DENND6A: variants seen among roughly 807,000 people sequenced by gnomAD.
DENND6A encodes the protein DENN domain containing 6A, also known as protein DENND6A.
DENND6A carries 43 observed loss-of-function variants against 95.5 expected under a neutral mutation model. That is an observed-to-expected ratio of 0.45 (90% CI 0.35 to 0.58). The LOEUF is 0.58. Ranked by LOEUF, DENND6A falls within the 20% of genes least tolerant of loss-of-function variation. DENND6A has a pLI of 0.00. For missense variants in DENND6A, 574 were observed against 736.0 expected (o/e 0.78, Z 2.55); for synonymous variants, 257 against 260.4 (o/e 0.99, Z 0.13).
intron 1 of DENND6A, 78 bp downstream of exon 1, chr3:57,692,704 G>A: frequency 1.5e-6 from 2 of 1,313,146 alleles, no homozygotes; most frequent in Non-Finnish European, 2.0e-6. Flanking sequence ...TGGCCGGTCA[G>A]CCCGCGGGCC....
intron 1 of DENND6A, among the ~76,000 whole-genome samples, chr3:57,692,022 GGAGTTCGA>G (rs1327431189): frequency 6.6e-6 from 1 of 151,932 alleles, no homozygotes; most frequent in African/African-American, 2.4e-5. Context: ...ACCTGAGTCG[GGAGTTCGA>G]GACCAGCCTT....
intron 11 of DENND6A, among the ~76,000 whole-genome samples, chr3:57,645,248 G>C (rs910263554): frequency 1.3e-5 from 2 of 151,972 alleles, no homozygotes; most frequent in Non-Finnish European, 2.9e-5. Flanking sequence ...AGATCACAAA[G>C]TCAGGAATTC....
chr3:57,683,074 T>C (rs904606699), intron 1 of DENND6A, among the ~76,000 whole-genome samples: 1 of 152,250 alleles, frequency 6.6e-6, no homozygotes, highest in African/African-American at 2.4e-5. Flanking sequence ...CCTTTGTGCA[T>C]GTTAGGTACT....
At chr3:57,635,230 T>C (rs1386052736) in intron 12 of DENND6A, among the ~76,000 whole-genome samples, 1 of 152,158 alleles carries the variant, frequency 6.6e-6, no homozygotes, top group African/African-American at 2.4e-5. Context: ...TGTTTTGTTT[T>C]TGATGCCTCC....
chr3:57,685,674 T>G (rs914464775), intron 1 of DENND6A, among the ~76,000 whole-genome samples: 23 of 152,216 alleles, frequency 1.5e-4, no homozygotes, highest in African/African-American at 5.5e-4. Flanking sequence ...CAAATATCTT[T>G]AATGTCTGAT....
At chr3:57,690,559 C>A (rs1241444239) in intron 1 of DENND6A, among the ~76,000 whole-genome samples, 1 of 151,880 alleles carries the variant, frequency 6.6e-6, no homozygotes, top group African/African-American at 2.4e-5. Flanking sequence ...TGACATGCAC[C>A]TGTAGTCCCA....
rs768275430 is a variant in DENND6A at position 57,692,925 on chromosome 3, G to A, written c.94C>T (p.Leu32Phe). 6.4e-7 allele frequency: 1 copy of A among 1,566,466 alleles called. No individual in the cohort carries two copies. Among genetic ancestry groups the A allele is most frequent in the Non-Finnish European group, 8.6e-7 (1 of 1,162,290 alleles). Residue 32 changes from leucine (L) to phenylalanine (F), a missense_variant, in exon 1 of 20, where the codon CTT becomes TTT. By Grantham distance (22) the Leu-to-Phe change is conservative. Coordinates refer to ENST00000311128, the MANE Select transcript of DENND6A (RefSeq NM_152678.3). ...AGAEGREAPA[L>F]VAAGGAPEDD... is the part of the protein sequence containing the mutation. ...TCTGGCGCGCCTCCCGCCGCCACAA[G>A]GGCCGGCGCCTCGCGGCCCTCGGCC... is the stretch of plus-strand genomic sequence containing the variant.
chr3:57,673,309 G>C (rs893962713), intron 1 of DENND6A, among the ~76,000 whole-genome samples: 6 of 149,510 alleles, frequency 4.0e-5, no homozygotes, highest in African/African-American at 1.5e-4. Context: ...AGTGAAATAA[G>C]CCAGGCACAG....
chr3:57,659,496 C>T (rs187135869), intron 7 of DENND6A, among the ~76,000 whole-genome samples: 13 of 152,302 alleles, frequency 8.5e-5, no homozygotes, highest in Admixed American at 7.8e-4. Flanking sequence ...AATATACACA[C>T]ACCCAAACAC....
intron 9 of DENND6A, among the ~76,000 whole-genome samples, chr3:57,651,034 T>C (rs560705892): frequency 1.3e-5 from 2 of 152,228 alleles, no homozygotes; most frequent in African/African-American, 4.8e-5. Flanking sequence ...TCTGACCACC[T>C]TGGCCTCCCA....
intron 9 of DENND6A, among the ~76,000 whole-genome samples, chr3:57,647,493 T>C (rs1429901828): frequency 2.0e-5 from 3 of 152,184 alleles, no homozygotes; most frequent in Admixed American, 2.0e-4. Context: ...ACTGTGGAAC[T>C]GCTGGAGCCC....
intron 9 of DENND6A, among the ~76,000 whole-genome samples, chr3:57,648,775 C>T (rs534598294): frequency 1.3e-5 from 2 of 152,012 alleles, no homozygotes; most frequent in Non-Finnish European, 2.9e-5. Context: ...GAAAAGACAC[C>T]CTATTTAACA....
intron 12 of DENND6A, among the ~76,000 whole-genome samples, chr3:57,641,423 T>TAGAA (rs1481256496): frequency 6.8e-6 from 1 of 147,924 alleles, no homozygotes; most frequent in Non-Finnish European, 1.5e-5. Context: ...TATATTATTA[T>TAGAA]TCTATAATAA....
At chr3:57,689,789 A>G (rs2077243979) in intron 1 of DENND6A, among the ~76,000 whole-genome samples, 1 of 152,188 alleles carries the variant, frequency 6.6e-6, no homozygotes, top group Admixed American at 6.5e-5. Flanking sequence ...AGGGCTGGGC[A>G]TGGTGGCTCA....
intron 12 of DENND6A, among the ~76,000 whole-genome samples, 190 bp from the exon 13 acceptor site, chr3:57,634,959 A>G (rs1409753131): frequency 2.0e-5 from 3 of 152,214 alleles, no homozygotes; most frequent in African/African-American, 7.2e-5. Flanking sequence ...CTGGATTACT[A>G]CAACAGTACA....
At chr3:57,660,968 A>C in intron 6 of DENND6A, 129 bp from the exon 7 acceptor site, 1 of 766,602 alleles carries the variant, frequency 1.3e-6, no homozygotes. Context: ...TGAGAGATAA[A>C]AGGCAAAAGA....
chr3:57,679,238 C>T (rs2077137754), intron 1 of DENND6A, among the ~76,000 whole-genome samples: 1 of 152,216 alleles, frequency 6.6e-6, no homozygotes, highest in South Asian at 2.1e-4. Context: ...GGTATGGTTA[C>T]CATATGCACA....
intron 9 of DENND6A, 92 bp from the exon 10 acceptor site, chr3:57,646,530 T>C (rs2071084278): frequency 5.5e-6 from 8 of 1,446,130 alleles, no homozygotes; most frequent in Non-Finnish European, 7.3e-6. Flanking sequence ...TCCACATTGA[T>C]ATAAATTCTT....
intron 1 of DENND6A, among the ~76,000 whole-genome samples, chr3:57,692,095 T>TC (rs947083932): frequency 4.6e-5 from 7 of 151,616 alleles, no homozygotes; most frequent in Non-Finnish European, 8.8e-5. Flanking sequence ...CCGGGCATGG[T>TC]CGCATGCCTG....
Sources: gnomAD v4.1 joint callset for allele counts (sites outside exome capture counted in the v4.1 genomes callset) on GRCh38, gnomAD v4.1.1 for gene constraint, MANE v1.5 for transcripts, NCBI Gene and HGNC (gene_info 2026-07-23, HGNC 2026-07-21) for gene names.